SETD5: variants seen among roughly 807,000 people sequenced by gnomAD.
SETD5 encodes the protein SET domain containing 5.
A neutral mutation model predicts 153.3 loss-of-function variants in SETD5; 44 were observed. The ratio of observed to expected loss-of-function variants is 0.29; its 90% CI spans 0.23 to 0.37. SETD5 has a LOEUF of 0.37. SETD5 is among the 10% of genes least tolerant of loss of function. The pLI, the probability that SETD5 is intolerant of heterozygous loss-of-function variation, is 1.00. For missense variants in SETD5, 1,544 were observed against 1,768.0 expected (o/e 0.87, Z 2.27); for synonymous variants, 716 against 645.2 (o/e 1.11, Z -1.66).
Position 9,476,190 on chromosome 3 carries a change from G to T in SETD5, c.*99G>T. The T allele has an allele frequency of 6.9e-7, 1 of 1,445,754 alleles. No individual in the cohort carries two copies. The highest frequency in any genetic ancestry group is 1.4e-5 in the South Asian group (1 of 70,258). 89.6% of individuals were successfully genotyped at this position (1,445,754 alleles called of 1,614,324 possible). ...CCGAGCATATTGCTGAGGAACGGGG[G>T]GTACAAGGTGCCAGAGGATTGGGTC... On this transcript the variant is annotated 3_prime_UTR_variant, in exon 23 of 23. Coordinates refer to ENST00000402198, the MANE Select transcript of SETD5 (RefSeq NM_001080517.3).
At chr3:9,425,734 C>T (rs1329269076) in intron 2 of SETD5, among the ~76,000 whole-genome samples, 1 of 151,914 alleles carries the variant, frequency 6.6e-6, no homozygotes, top group African/African-American at 2.4e-5. Flanking sequence ...TGCCAACATG[C>T]CCAGCTAATT....
rs548866703 is a variant in SETD5, at chr3:9,464,127, CATAAATAA to C, written c.2477-291_2477-284del. Among the ~76,000 whole-genome samples, 471 of 151,864 alleles carry C rather than the reference CATAAATAA, an allele frequency of 3.1e-3. 2 individuals are homozygous for C. The highest frequency in any genetic ancestry group is 0.011 in the African/African-American group (444 of 41,368). ...TTAGCGACAGAGCAAGGCTCTGTCT[CATAAATAA>C]ATAAATGAATAAATGAAAGAATTTT... On this transcript the variant is annotated intron_variant, in intron 17 of 22. Coordinates refer to ENST00000402198, the MANE Select transcript of SETD5 (RefSeq NM_001080517.3).
In SETD5 at chr3:9,446,493, CT is replaced by C. The variant is rs368167902; in HGVS notation, c.1525-545del. Among the ~76,000 whole-genome samples the C allele has an allele frequency of 6.7e-3, 968 of 144,314 alleles. 7 individuals carry two copies. Among genetic ancestry groups the C allele is most frequent in the African/African-American group, 0.021 (838 of 39,752 alleles). 94.7% of individuals were successfully genotyped at this position (144,314 alleles called of 152,430 possible). ...TGTGTTTATGACCCTGATTTGATGA[CT>C]TTTTTTTTTTTCTTTTTGAGACCGA... On this transcript the variant is annotated intron_variant, in intron 13 of 22. Transcript: ENST00000402198.
chr3:9,436,912 CTG>C (rs2040636466), intron 7 of SETD5: 1 of 1,547,704 alleles, frequency 6.5e-7, no homozygotes, highest in Non-Finnish European at 8.7e-7. Flanking sequence ...TTCGCTGATG[CTG>C]TGTTTTACTT....
intron 18 of SETD5, 41 bp downstream of exon 18, chr3:9,464,713 T>C (rs1428828782): frequency 6.2e-7 from 1 of 1,613,666 alleles, no homozygotes; most frequent in South Asian, 1.1e-5. Context: ...GATATGAAAA[T>C]CATCATTTGT....
chr3:9,427,030 C>T (rs902715519), intron 2 of SETD5, among the ~76,000 whole-genome samples: 4 of 152,106 alleles, frequency 2.6e-5, no homozygotes, highest in African/African-American at 9.7e-5. Context: ...CACAGGCACA[C>T]ATCACCATGG....
chr3:9,475,809 G>T lies in SETD5; in HGVS notation c.4047G>T (p.Leu1349=), dbSNP rs1346389916. 6.2e-7 allele frequency: 1 copy of T among 1,614,020 alleles called. No individual in the cohort carries two copies. The highest frequency in any genetic ancestry group is 1.7e-5 in the Admixed American group (1 of 60,026). ...CTTCTAGTGCTGCTAGCCCTACCCTGCAGGGACCCTCAGACTCGCCAACCT... is the reference window on the plus strand; with the variant it reads ...CTTCTAGTGCTGCTAGCCCTACCCTTCAGGGACCCTCAGACTCGCCAACCT... ...SCPSSAASPT[L]QGPSDSPTSD... The change falls in exon 23 of 23, where the codon CTG becomes CTT. Residue 1349 remains leucine (L), a synonymous_variant. Coordinates refer to ENST00000402198, the MANE Select transcript of SETD5 (RefSeq NM_001080517.3).
chr3:9,405,867 T>G (rs2035570942), intron 1 of SETD5, among the ~76,000 whole-genome samples: 1 of 152,218 alleles, frequency 6.6e-6, no homozygotes, highest in African/African-American at 2.4e-5. Context: ...CTTTGGCTTA[T>G]GTTTCAAAAA....
intron 3 of SETD5, chr3:9,430,755 A>C: frequency 1.1e-6 from 1 of 900,896 alleles, no homozygotes; most frequent in Non-Finnish European, 1.3e-6. Context: ...TTTTCCCCAA[A>C]GTATAGACAT....
At chr3:9,470,990 A>G in intron 19 of SETD5, 61 bp downstream of exon 19, 1 of 877,534 alleles carries the variant, frequency 1.1e-6, no homozygotes. Flanking sequence ...AGTTTAGTAG[A>G]TATTCATAAG....
At chr3:9,463,067 T>TAGAAA (rs1266219146) in intron 17 of SETD5, among the ~76,000 whole-genome samples, 1 of 152,198 alleles carries the variant, frequency 6.6e-6, no homozygotes. Context: ...TCACCCAGGC[T>TAGAAA]AGAGTACAGT....
At chr3:9,426,684 C>T (rs1309087305) in intron 2 of SETD5, among the ~76,000 whole-genome samples, 1 of 151,948 alleles carries the variant, frequency 6.6e-6, no homozygotes, top group Non-Finnish European at 1.5e-5. Flanking sequence ...TGAGCCACCG[C>T]GCCTGGCGCA....
intron 3 of SETD5, chr3:9,430,949 T>G (rs1343247960): frequency 1.0e-6 from 1 of 985,490 alleles, no homozygotes; most frequent in Non-Finnish European, 1.2e-6. Context: ...TACATAGTTA[T>G]GCATTTCTGC....
In SETD5 at chr3:9,447,082, G is replaced by C. The variant is rs1470904569; in HGVS notation, c.1557G>C (p.Met519Ile). The change falls in exon 14 of 23, where the codon ATG becomes ATC. Residue 519 changes from methionine (M) to isoleucine (I), a missense_variant. Coordinates refer to ENST00000402198, the MANE Select transcript of SETD5 (RefSeq NM_001080517.3). ...TREDRKVEAI[M>I]HAFENLEKRK... is the part of the protein sequence containing the mutation. ...AAGATAGAAAGGTAGAAGCCATCAT[G>C]CATGCTTTTGAAAACTTAGAGAAAA... The C allele has an allele frequency of 6.2e-7, 1 of 1,613,444 alleles. No homozygotes were observed. Among genetic ancestry groups the C allele is most frequent in the Non-Finnish European group, 8.5e-7 (1 of 1,179,556 alleles).
chr3:9,461,517 A>G (rs1341593974), intron 17 of SETD5, among the ~76,000 whole-genome samples: 1 of 152,090 alleles, frequency 6.6e-6, no homozygotes, highest in Non-Finnish European at 1.5e-5. Context: ...AAGGTGAAAA[A>G]TAATAATAAT....
Position 9,441,700 on chromosome 3 carries a change from G to C in SETD5, c.918G>C (p.Met306Ile). 1 of 1,614,004 alleles carries C rather than the reference G, an allele frequency of 6.2e-7. No homozygotes were observed. Among genetic ancestry groups the C allele is most frequent in the Non-Finnish European group, 8.5e-7 (1 of 1,179,882 alleles). The change falls in exon 9 of 23, where the codon ATG becomes ATC. Residue 306 changes from methionine to isoleucine, a missense_variant. Physicochemically the swap from Met to Ile is conservative, Grantham distance 10. This residue lies in a region of SETD5 where 30 missense variants were observed against 66.0 expected (regional missense o/e 0.45). Coordinates refer to ENST00000402198, the MANE Select transcript of SETD5 (RefSeq NM_001080517.3). ...TLIIEYRGKVMLRQQFEVNGH... is the reference protein window; with the variant it reads ...TLIIEYRGKVILRQQFEVNGH... ...TAATAGAGTATCGTGGGAAAGTCATGTTACGACAGCAATTTGAGGTCAATG... is the reference window on the plus strand; with the variant it reads ...TAATAGAGTATCGTGGGAAAGTCATCTTACGACAGCAATTTGAGGTCAATG...
chr3:9,412,387 GTTTTTTTTTTTTTTT>G (rs370566998), intron 1 of SETD5, among the ~76,000 whole-genome samples: 1 of 89,536 alleles, frequency 1.1e-5, no homozygotes, highest in Non-Finnish European at 2.3e-5. Context: ...ACAGTTTTGG[GTTTTTTTTTTTTTTT>G]TTTTTTTTTT....
At chr3:9,431,611 C>G in intron 3 of SETD5, 5 of 985,536 alleles carry the variant, frequency 5.1e-6, no homozygotes, top group Non-Finnish European at 4.8e-6. Context: ...ATTTGGCATG[C>G]ACAGCAATAT....
chr3:9,400,982 A>G (rs2034678454), intron 1 of SETD5, among the ~76,000 whole-genome samples: 1 of 152,234 alleles, frequency 6.6e-6, no homozygotes, highest in South Asian at 2.1e-4. Context: ...CGTGTATCCT[A>G]TACTTTTTTC....
Sources: gnomAD v4.1 joint callset for allele counts (sites outside exome capture counted in the v4.1 genomes callset) on GRCh38, gnomAD v4.1.1 for gene constraint, gnomAD v4.1.1 regional missense constraint, MANE v1.5 for transcripts, NCBI Gene and HGNC (gene_info 2026-07-23, HGNC 2026-07-21) for gene names.